Variants in TRPM1 observed in about 807,000 individuals in gnomAD.
TRPM1 encodes the protein transient receptor potential cation channel subfamily M member 1, also known as TRPM1-203 APA Isoform, Intron 10.
Under a neutral mutation model 149.4 loss-of-function variants are expected in TRPM1, and 113 were observed. The ratio of observed to expected loss-of-function variants is 0.76; its 90% CI spans 0.65 to 0.88. The LOEUF (loss-of-function observed/expected upper bound fraction) is 0.88, where lower values mean the gene tolerates loss of function less well. TRPM1 is among the 40% of genes least tolerant of loss of function. TRPM1 has a pLI of 0.00. For missense variants in TRPM1, 1,976 were observed against 2,038.7 expected (o/e 0.97, Z 0.59); for synonymous variants, 741 against 759.5 (o/e 0.98, Z 0.40).
At chr15:31,089,526 T>C (rs2035159913) in intron 1 of TRPM1, among the ~76,000 whole-genome samples, 1 of 152,212 alleles carries the variant, frequency 6.6e-6, no homozygotes, top group Admixed American at 6.5e-5. Flanking sequence ...CAATAGCACA[T>C]TCCCGGGCAG....
At chr15:31,011,562 C>T (rs1006851348) in intron 27 of TRPM1, among the ~76,000 whole-genome samples, 1 of 151,666 alleles carries the variant, frequency 6.6e-6, no homozygotes, top group East Asian at 1.9e-4. Flanking sequence ...GGCTCTTGTT[C>T]TTTCTTTTAT....
intron 1 of TRPM1, among the ~76,000 whole-genome samples, chr15:31,140,212 C>CA (rs34651089): frequency 0.15 from 15,199 of 103,104 alleles, 865 homozygotes; most frequent in Middle Eastern, 0.25. Flanking sequence ...ACTAAAAATA[C>CA]AAAAAAAAAA....
chr15:31,009,084 T>TTAGAATTGG (rs1196632094), intron 27 of TRPM1, among the ~76,000 whole-genome samples: 1 of 152,248 alleles, frequency 6.6e-6, no homozygotes, highest in African/African-American at 2.4e-5. Context: ...AGTTATTCTT[T>TTAGAATTGG]TAGAATTGGT....
intron 1 of TRPM1, among the ~76,000 whole-genome samples, chr15:31,154,051 T>C (rs1190543115): frequency 1.3e-5 from 2 of 152,278 alleles, no homozygotes; most frequent in African/African-American, 4.8e-5. Context: ...ACCCAGAGGG[T>C]TCAGAAACGA....
intron 11 of TRPM1, among the ~76,000 whole-genome samples, chr15:31,057,370 C>T (rs2034112625): frequency 6.6e-6 from 1 of 152,036 alleles, no homozygotes; most frequent in South Asian, 2.1e-4. Context: ...GAATAACAGA[C>T]ACTGGGGCCT....
intron 27 of TRPM1, among the ~76,000 whole-genome samples, chr15:31,003,745 TTGTC>T (rs2031878320): frequency 6.6e-6 from 1 of 152,228 alleles, no homozygotes; most frequent in Non-Finnish European, 1.5e-5. Context: ...GGTGATTTAA[TTGTC>T]TGAAGAATAC....
In TRPM1 at chr15:31,113,444, T is replaced by TTC. The variant is rs1555430522; in HGVS notation, c.55-36461_55-36460insGA. ...CCCAGCTCTGACAGTTTTTTTTTTTTCAAAATCTCTAAGGTATAGAGATAA... is the reference window on the plus strand; with the variant it reads ...CCCAGCTCTGACAGTTTTTTTTTTTTTCCAAAATCTCTAAGGTATAGAGATAA... On this transcript the variant is annotated intron_variant, in intron 1 of 26. Transcript: ENST00000542188. Among the ~76,000 whole-genome samples, 4 of 145,874 alleles carry TTC rather than the reference T, an allele frequency of 2.7e-5. No homozygotes were observed. The East Asian group carries it at 6.3e-4, about 23-fold the overall frequency.
chr15:31,079,431 G>A (rs1188867054), intron 2 of TRPM1, among the ~76,000 whole-genome samples: 1 of 152,210 alleles, frequency 6.6e-6, no homozygotes, highest in Non-Finnish European at 1.5e-5. Flanking sequence ...GTGGTTGTTG[G>A]CCCAGGCCTC....
intron 1 of TRPM1, among the ~76,000 whole-genome samples, chr15:31,112,810 T>C (rs1454483650): frequency 6.6e-6 from 1 of 152,186 alleles, no homozygotes; most frequent in African/African-American, 2.4e-5. Context: ...ACAATGCATA[T>C]TAGGATATTA....
chr15:31,101,548 G>T, intron 1 of TRPM1, 109 bp downstream of exon 1: 3 of 617,384 alleles, frequency 4.9e-6, no homozygotes, highest in Non-Finnish European at 4.0e-6. Flanking sequence ...GAGCTTAACT[G>T]CATCTGTGGT....
At chr15:31,160,681 C>A (rs898973119) in intron 1 of TRPM1, among the ~76,000 whole-genome samples, 7 of 152,244 alleles carry the variant, frequency 4.6e-5, no homozygotes, top group Non-Finnish European at 8.8e-5. Flanking sequence ...AAGGTGGGAG[C>A]AACTGAGACC....
intron 13 of TRPM1, among the ~76,000 whole-genome samples, chr15:31,048,265 GAATAAATA>G (rs952752134): frequency 4.6e-5 from 7 of 151,886 alleles, no homozygotes; most frequent in South Asian, 4.2e-4. Flanking sequence ...GTCTAAGAAT[GAATAAATA>G]AATAAATAAA....
chr15:31,011,969 C>G (rs1281048044), intron 27 of TRPM1, among the ~76,000 whole-genome samples: 1 of 152,054 alleles, frequency 6.6e-6, no homozygotes, highest in Non-Finnish European at 1.5e-5. Flanking sequence ...TGGCCTAACA[C>G]CAATTATTTT....
intron 1 of TRPM1, among the ~76,000 whole-genome samples, chr15:31,131,333 C>T (rs2036013509): frequency 6.6e-6 from 1 of 152,166 alleles, no homozygotes; most frequent in African/African-American, 2.4e-5. Flanking sequence ...GCAGTGCTTC[C>T]TTTCAGTGAA....
chr15:31,121,223 CAAAAAAAAAA>C lies in TRPM1; in HGVS notation c.54+39673_54+39682del, dbSNP rs71420549. 1.0e-4 allele frequency among the ~76,000 whole-genome samples: 6 copies of C among 59,382 alleles called. No individual in the cohort carries two copies. The Admixed American group carries it at 1.1e-3, about 11-fold the overall frequency. The allele number at this position is 59,382 out of a possible 152,430, so 39.0% of individuals were successfully genotyped here. A position where few individuals can be genotyped will look rare whatever the true frequency, so the allele number is the denominator to read the frequency against. On this transcript the variant is annotated intron_variant, in intron 1 of 26. Coordinates refer to the TRPM1 transcript ENST00000542188. ...CTGGGCGCAGAGCAAGACTCCATCT[CAAAAAAAAAA>C]AAAAAAAAAAAGAAAGCTCTAAAAC...
intron 4 of TRPM1, among the ~76,000 whole-genome samples, chr15:31,068,838 G>A (rs1051302062): frequency 2.0e-5 from 3 of 150,798 alleles, no homozygotes; most frequent in African/African-American, 7.3e-5. Context: ...TATCTATGAA[G>A]CAGAGGATGG....
At chr15:31,088,790 C>T (rs56070679) in intron 1 of TRPM1, among the ~76,000 whole-genome samples, 2 of 126,032 alleles carry the variant, frequency 1.6e-5, no homozygotes, top group East Asian at 3.6e-4. Flanking sequence ...AACACCTGAA[C>T]GTTCTTTCTG....
In TRPM1 at chr15:31,037,806, C is replaced by T. The variant is rs377003006; in HGVS notation, c.2476G>A (p.Glu826Lys). The T allele has an allele frequency of 1.4e-5, 22 of 1,614,060 alleles. No homozygotes were observed. Among genetic ancestry groups the T allele is most frequent in the African/African-American group, 2.7e-5 (2 of 74,928 alleles). The change falls in exon 20 of 28, where the codon GAG becomes AAG. Residue 826 changes from glutamate (E) to lysine (K), a missense_variant. Glu to Lys is a moderately conservative substitution (Grantham distance 56). This residue lies in a region of TRPM1 where 1,332 missense variants were observed against 1,347.1 expected (regional missense o/e 0.99). Coordinates refer to ENST00000256552, the MANE Select transcript of TRPM1 (RefSeq NM_001252024.2). ...CTCTGTTTTTTGTGCTCGTTCTCCTCATCCCCCTTTCTTGAGCCAGCATCT... is the reference window on the plus strand; with the variant it reads ...CTCTGTTTTTTGTGCTCGTTCTCCTTATCCCCCTTTCTTGAGCCAGCATCT... The part of the protein sequence containing the change: ...NADAGSRKGD[E>K]ENEHKKQRSI...
rs760418372 is a variant in TRPM1 at position 31,063,246 on chromosome 15, GCC to G, written c.835_836del (p.Gly279ProfsTer2). On this transcript the variant is annotated frameshift_variant, in exon 8 of 28. Transcript: ENST00000256552. LOFTEE classifies it high-confidence loss of function. ...VPLVGLVVEG[G>X]PNVVSIVLEY... is the part of the protein sequence containing the mutation. Reference sequence around the variant, plus strand: ...CCAAGACGATGGACACCACGTTAGGGCCCCCCTCCACCACGAGACCCACGAGG... The same window carrying G: ...CCAAGACGATGGACACCACGTTAGGGCCCCTCCACCACGAGACCCACGAGG... 6.2e-7 allele frequency: 1 copy of G among 1,613,918 alleles called. No homozygotes were observed. Among genetic ancestry groups the G allele is most frequent in the Non-Finnish European group, 8.5e-7 (1 of 1,180,016 alleles).
Sources: gnomAD v4.1 joint callset for allele counts (sites outside exome capture counted in the v4.1 genomes callset) on GRCh38, gnomAD v4.1.1 for gene constraint, gnomAD v4.1.1 regional missense constraint, MANE v1.5 for transcripts, NCBI Gene and HGNC (gene_info 2026-07-23, HGNC 2026-07-21) for gene names.